MELK: variants seen among roughly 807,000 people sequenced by gnomAD.
MELK encodes the protein maternal embryonic leucine zipper kinase.
A neutral mutation model predicts 85.0 loss-of-function variants in MELK; 81 were observed. The observed-to-expected ratio is 0.95, with a 90% CI of 0.80 to 1.15. MELK has a LOEUF of 1.15. Among genes scored for constraint, MELK ranks in the 50% most tolerant of loss-of-function variants. The pLI is 0.00. For missense variants in MELK, 754 were observed against 777.5 expected (o/e 0.97, Z 0.36); for synonymous variants, 252 against 265.0 (o/e 0.95, Z 0.48).
At position 36,601,794 on chromosome 9, in the gene MELK, G is replaced by A. The variant is rs189016318; in HGVS notation, c.567+2308G>A. On this transcript the variant is annotated intron_variant, in intron 7 of 17. Coordinates refer to ENST00000298048, the MANE Select transcript of MELK (RefSeq NM_014791.4). ...GTCTCTATGAATTTGACTAATCTAG[G>A]AACTTCATGTAAATGGAATCATACA... 1.8e-3 allele frequency among the ~76,000 whole-genome samples: 276 copies of A among 152,240 alleles called. 2 individuals are homozygous for A. Among genetic ancestry groups the A allele is most frequent in the South Asian group, 8.9e-3 (43 of 4,818 alleles).
chr9:36,665,533 A>G lies in MELK; in HGVS notation c.1360A>G (p.Lys454Glu), dbSNP rs1832256934. 1 of 1,613,830 alleles carries G rather than the reference A, an allele frequency of 6.2e-7. No homozygotes were observed. The highest frequency in any genetic ancestry group is 8.5e-7 in the Non-Finnish European group (1 of 1,179,908). Residue 454 changes from lysine (K) to glutamate (E), a missense_variant, in exon 14 of 18, where the codon AAG becomes GAG. Transcript: ENST00000298048. ...PKTPVNKNQH[K>E]REILTTPNRY... Reference sequence around the variant, plus strand: ...GACTCCAGTTAATAAGAACCAGCATAAGAGAGAAATACTCACTACGCCAAA... The same window carrying G: ...GACTCCAGTTAATAAGAACCAGCATGAGAGAGAAATACTCACTACGCCAAA...
At chr9:36,595,036 C>G (rs1186380540) in intron 5 of MELK, among the ~76,000 whole-genome samples, 1 of 151,330 alleles carries the variant, frequency 6.6e-6, no homozygotes, top group Admixed American at 6.6e-5. Flanking sequence ...AAGCAGTTCC[C>G]CTGCCTCAGC....
chr9:36,646,380 G>A (rs1183121476), intron 11 of MELK, among the ~76,000 whole-genome samples: 1 of 152,142 alleles, frequency 6.6e-6, no homozygotes, highest in Admixed American at 6.5e-5. Flanking sequence ...TGCTGGTATG[G>A]TGCTGCTGAT....
intron 8 of MELK, chr9:36,630,046 C>T (rs766302737): frequency 2.9e-5 from 10 of 348,900 alleles, no homozygotes; most frequent in Admixed American, 8.9e-5. Flanking sequence ...TGTTTCACCA[C>T]GTTGGCCAGG....
chr9:36,582,072 C>A (rs974865942), intron 2 of MELK, among the ~76,000 whole-genome samples: 4 of 151,630 alleles, frequency 2.6e-5, no homozygotes, highest in African/African-American at 9.7e-5. Context: ...CCCGGGTTCA[C>A]GCCATTCTCC....
At chr9:36,668,422 A>G (rs1400963822) in intron 14 of MELK, among the ~76,000 whole-genome samples, 2 of 152,228 alleles carry the variant, frequency 1.3e-5, no homozygotes, top group African/African-American at 2.4e-5. Context: ...CGTTAGTACA[A>G]ATTTGTCATA....
intron 8 of MELK, among the ~76,000 whole-genome samples, chr9:36,621,733 A>G (rs1337758041): frequency 2.6e-5 from 4 of 152,148 alleles, no homozygotes; most frequent in Non-Finnish European, 5.9e-5. Flanking sequence ...TTAATCCTCT[A>G]TGCTGTTTAT....
At position 36,591,932 on chromosome 9, in the gene MELK, A is replaced by C. The variant is rs547143253; in HGVS notation, c.261+2280A>C. ...CAGAGTGAGACCCTGTCTCAAAAAA[A>C]AAAGGTACAGGGAGTATATATTAAA... On this transcript the variant is annotated intron_variant, in intron 4 of 17. Transcript: ENST00000298048. Among the ~76,000 whole-genome samples the C allele has an allele frequency of 2.0e-5, 3 of 152,196 alleles. No individual in the cohort carries two copies. In the South Asian group the frequency reaches 6.2e-4, roughly 32 times the overall value.
intron 5 of MELK, 90 bp downstream of exon 5, chr9:36,594,861 C>A (rs2135452260): frequency 7.3e-7 from 1 of 1,361,034 alleles, no homozygotes; most frequent in Non-Finnish European, 9.7e-7. Flanking sequence ...AGGAATCTAT[C>A]TTTGGTTTGC....
intron 6 of MELK, among the ~76,000 whole-genome samples, chr9:36,598,175 C>T (rs879678017): frequency 6.7e-6 from 1 of 149,990 alleles, no homozygotes; most frequent in Non-Finnish European, 1.5e-5. Flanking sequence ...GAACCAAATG[C>T]TAGAAGGCAG....
chr9:36,635,841 G>A (rs1829082671), intron 10 of MELK, among the ~76,000 whole-genome samples: 1 of 147,118 alleles, frequency 6.8e-6, no homozygotes, highest in Non-Finnish European at 1.5e-5. Flanking sequence ...CTGATGCCCA[G>A]GCTGGAGTGC....
At position 36,578,050 on chromosome 9, in the gene MELK, T is replaced by A. The variant is rs565815825; in HGVS notation, c.-38-3594T>A. 7.2e-5 allele frequency among the ~76,000 whole-genome samples: 11 copies of A among 152,278 alleles called. No individual in the cohort carries two copies. In the South Asian group the frequency reaches 2.3e-3, roughly 32 times the overall value. On this transcript the variant is annotated intron_variant, in intron 1 of 17. Coordinates refer to ENST00000298048, the MANE Select transcript of MELK (RefSeq NM_014791.4). Reference sequence around the variant, plus strand: ...ATCCTCCTGCCTTGACCTCCCAAATTGCTGGGATTACAGACATGAGCCACC... The same window carrying A: ...ATCCTCCTGCCTTGACCTCCCAAATAGCTGGGATTACAGACATGAGCCACC...
intron 7 of MELK, among the ~76,000 whole-genome samples, chr9:36,604,265 G>A (rs1238824418): frequency 3.1e-5 from 4 of 130,534 alleles, no homozygotes; most frequent in South Asian, 2.4e-4. Context: ...CACCGCGCCC[G>A]GGCTTTTTTT....
chr9:36,673,272 C>T (rs1833052835), intron 16 of MELK, among the ~76,000 whole-genome samples: 1 of 152,140 alleles, frequency 6.6e-6, no homozygotes, highest in African/African-American at 2.4e-5. Flanking sequence ...GAGAGGGTCC[C>T]TTCGTTAACA....
chr9:36,677,668 C>G lies in MELK; in HGVS notation c.*331C>G, dbSNP rs771045760. ...TGTGTAATTTCTTTCTGAAATAAAACCATTTGTGAATATAGCAGGCTTCTC... is the reference window on the plus strand; with the variant it reads ...TGTGTAATTTCTTTCTGAAATAAAAGCATTTGTGAATATAGCAGGCTTCTC... On this transcript the variant is annotated 3_prime_UTR_variant, in exon 18 of 18. Transcript: ENST00000298048. 3.5e-5 allele frequency: 6 copies of G among 170,602 alleles called. No individual in the cohort carries two copies. The highest frequency in any genetic ancestry group is 6.2e-5 in the Non-Finnish European group (5 of 80,688). 10.6% of individuals were successfully genotyped at this position (170,602 alleles called of 1,614,324 possible).
chr9:36,574,352 A>G (rs763921498), intron 1 of MELK, among the ~76,000 whole-genome samples: 3 of 145,744 alleles, frequency 2.1e-5, no homozygotes, highest in Non-Finnish European at 4.5e-5. Flanking sequence ...GGGGAGGCCG[A>G]GGTGGGCGGA....
intron 13 of MELK, among the ~76,000 whole-genome samples, chr9:36,664,179 T>G (rs891129017): frequency 6.6e-6 from 1 of 152,222 alleles, no homozygotes; most frequent in African/African-American, 2.4e-5. Context: ...TTTTCAAATC[T>G]ATTTGAACAG....
At chr9:36,625,050 A>G (rs182422154) in intron 8 of MELK, among the ~76,000 whole-genome samples, 2 of 152,306 alleles carry the variant, frequency 1.3e-5, no homozygotes, top group African/African-American at 2.4e-5. Context: ...ACAGAAATCC[A>G]TTCTTGTGCA....
chr9:36,665,007 T>A (rs193077832), intron 13 of MELK, among the ~76,000 whole-genome samples: 1 of 151,608 alleles, frequency 6.6e-6, no homozygotes, highest in Admixed American at 6.6e-5. Context: ...CTGACTAAAC[T>A]TTTTTTTTGG....
Sources: allele counts gnomAD v4.1 joint callset (sites outside exome capture counted in the v4.1 genomes callset), GRCh38; gene constraint gnomAD v4.1.1; transcripts MANE v1.5; gene names NCBI Gene and HGNC (gene_info 2026-07-23, HGNC 2026-07-21).